TENM3: variants seen among roughly 807,000 people sequenced by gnomAD.
TENM3 encodes the protein teneurin transmembrane protein 3.
TENM3 carries 63 observed loss-of-function variants against 255.1 expected under a neutral mutation model. The observed-to-expected ratio is 0.25, with a 90% CI of 0.20 to 0.30. The LOEUF (loss-of-function observed/expected upper bound fraction) is 0.30, where lower values mean the gene tolerates loss of function less well. Ranked by LOEUF, TENM3 falls within the 10% of genes least tolerant of loss-of-function variation. TENM3 has a pLI of 1.00. For synonymous variants in TENM3, 1,306 were observed against 1,322.3 expected (o/e 0.99, Z 0.27); for missense variants, 2,929 against 3,461.1 (o/e 0.85, Z 3.86).
the TENM3 span, among the ~76,000 whole-genome samples, chr4:181,505,538 C>T: frequency 6.6e-6 from 1 of 152,088 alleles, no homozygotes. Context: ...TGATACACCG[C>T]AGCATTATTT....
chr4:181,623,769 A>T, the TENM3 span, among the ~76,000 whole-genome samples: 1 of 152,248 alleles, frequency 6.6e-6, no homozygotes, highest in Non-Finnish European at 1.5e-5. Flanking sequence ...TTCATGTACA[A>T]GCAGTGTTTT....
the TENM3 span, among the ~76,000 whole-genome samples, chr4:182,070,557 CA>C: frequency 1.8e-4 from 28 of 152,132 alleles, no homozygotes; most frequent in Non-Finnish European, 3.5e-4. Flanking sequence ...GTGGAGGATG[CA>C]GTGAGCTGAA....
At position 182,664,103 on chromosome 4, in the gene TENM3, G is replaced by A. The variant is rs919982187; in HGVS notation, c.1112-8902G>A. 7.9e-5 allele frequency among the ~76,000 whole-genome samples: 12 copies of A among 152,128 alleles called. No individual in the cohort carries two copies. The South Asian group carries it at 1.7e-3, about 21-fold the overall frequency. On this transcript the variant is annotated intron_variant, in intron 6 of 27. Transcript: ENST00000511685. ...TTACAGGAAGATCTTATTTTATTACGCTTTATCATGCCTCCCAGATACCGT... is the reference window on the plus strand; with the variant it reads ...TTACAGGAAGATCTTATTTTATTACACTTTATCATGCCTCCCAGATACCGT...
chr4:182,469,620 A>G (rs1732924397), intron 3 of TENM3, among the ~76,000 whole-genome samples: 1 of 152,068 alleles, frequency 6.6e-6, no homozygotes. Context: ...AGGCTGAGGC[A>G]AGAGAATTGC....
At chr4:182,218,672 C>T (rs1211857372) in intron 1 of TENM3, among the ~76,000 whole-genome samples, 1 of 152,124 alleles carries the variant, frequency 6.6e-6, no homozygotes, top group Non-Finnish European at 1.5e-5. Flanking sequence ...CCATTATTGG[C>T]AATTTCATAT....
At chr4:181,547,338 TAAAG>T in the TENM3 span, among the ~76,000 whole-genome samples, 80 of 151,702 alleles carry the variant, frequency 5.3e-4, no homozygotes, top group Non-Finnish European at 1.0e-3. Flanking sequence ...TCACAGAAAA[TAAAG>T]AAGATGATCA....
At chr4:182,443,858 G>C (rs1465613673) in intron 3 of TENM3, among the ~76,000 whole-genome samples, 1 of 152,134 alleles carries the variant, frequency 6.6e-6, no homozygotes, top group Non-Finnish European at 1.5e-5. Flanking sequence ...GGACATGATT[G>C]GATATCTAAA....
intron 22 of TENM3, among the ~76,000 whole-genome samples, chr4:182,766,197 G>C (rs1319402426): frequency 6.6e-6 from 1 of 152,056 alleles, no homozygotes; most frequent in African/African-American, 2.4e-5. Context: ...AGCACTTCCA[G>C]ACCCATGGAA....
chr4:182,455,744 T>C (rs896783998), intron 3 of TENM3, among the ~76,000 whole-genome samples: 1 of 151,886 alleles, frequency 6.6e-6, no homozygotes, highest in Non-Finnish European at 1.5e-5. Context: ...TGTATTTTAG[T>C]AGAGACAGGG....
chr4:181,538,756 TTTC>T, the TENM3 span, among the ~76,000 whole-genome samples: 20 of 152,214 alleles, frequency 1.3e-4, no homozygotes, highest in African/African-American at 4.1e-4. Context: ...AAGTGTTCGT[TTTC>T]TTCTTCCTTT....
At chr4:182,601,297 G>C in intron 4 of TENM3, 136 bp downstream of exon 4, 1 of 708,280 alleles carries the variant, frequency 1.4e-6, no homozygotes, top group African/African-American at 1.8e-5. Flanking sequence ...CTAAGAAGCA[G>C]TTCCAGATTG....
Position 182,653,810 on chromosome 4 carries a change from C to T in TENM3, c.1028C>T (p.Thr343Ile). ...LFGLNWQLQQ[T>I]ENDTFENGKV... ...GGCCTCAACTGGCAGCTACAGCAGA[C>T]TGAAAATGACACATTTGAGAATGGA... Residue 343 changes from threonine (T) to isoleucine (I), a missense_variant, in exon 6 of 28, where the codon ACT becomes ATT. Thr to Ile is a moderately conservative substitution (Grantham distance 89). This residue lies in a region of TENM3 where 1,608 missense variants were observed against 1,884.4 expected (regional missense o/e 0.85). Transcript: ENST00000511685. The T allele has an allele frequency of 1.2e-6, 2 of 1,612,750 alleles. No homozygotes were observed. The highest frequency in any genetic ancestry group is 1.7e-6 in the Non-Finnish European group (2 of 1,179,308).
At chr4:181,851,635 C>G in the TENM3 span, among the ~76,000 whole-genome samples, 1 of 152,096 alleles carries the variant, frequency 6.6e-6, no homozygotes, top group Non-Finnish European at 1.5e-5. Flanking sequence ...CGCATGCACA[C>G]ATGCACACAC....
the TENM3 span, among the ~76,000 whole-genome samples, chr4:182,010,777 A>G: frequency 6.6e-6 from 1 of 152,224 alleles, no homozygotes. Context: ...TAAAACCTTA[A>G]AAGTTTCCTT....
In TENM3 at chr4:182,147,676, C is replaced by T. The variant is rs140602067; in HGVS notation, c.-76+2922C>T. ...TATCCGTTTGGACTTCGAGGGCATA[C>T]TTTTTTTTACTTAGGTTGAGAATAT... On this transcript the variant is annotated intron_variant, in intron 1 of 2. Transcript: ENST00000512480. Among the ~76,000 whole-genome samples, 696 of 152,102 alleles carry T rather than the reference C, an allele frequency of 4.6e-3. 3 individuals carry two copies. The highest frequency in any genetic ancestry group is 0.015 in the African/African-American group (618 of 41,506).
intron 3 of TENM3, among the ~76,000 whole-genome samples, chr4:182,434,523 C>T (rs1026665172): frequency 2.0e-5 from 3 of 151,546 alleles, no homozygotes; most frequent in Non-Finnish European, 2.9e-5. Flanking sequence ...ATTAGCCGAG[C>T]GTGATGGTGG....
chr4:182,583,153 AC>A (rs551967695), intron 3 of TENM3, among the ~76,000 whole-genome samples: 40 of 152,368 alleles, frequency 2.6e-4, no homozygotes, highest in Admixed American at 2.5e-3. Flanking sequence ...GCTTTATCTT[AC>A]ATCAGCTGTG....
At chr4:181,854,888 G>A in the TENM3 span, among the ~76,000 whole-genome samples, 4 of 152,194 alleles carry the variant, frequency 2.6e-5, no homozygotes, top group Non-Finnish European at 5.9e-5. Context: ...AGACTACAGA[G>A]TACGCGTTAG....
At position 182,751,653 on chromosome 4, in the gene TENM3, A is replaced by C. The variant is rs993841880; in HGVS notation, c.3630-147A>C. 2.0e-5 allele frequency: 12 copies of C among 608,076 alleles called. No homozygotes were observed. The African/African-American group carries it at 2.2e-4, about 11-fold the overall frequency. 37.7% of individuals were successfully genotyped at this position (608,076 alleles called of 1,614,324 possible). A position where few individuals can be genotyped will look rare whatever the true frequency, so the allele number is the denominator to read the frequency against. ...GAGCACATTCTTTTGAGTCATTATT[A>C]AATAGACAGTACTATTCATGTCTAA... On this transcript the variant is annotated intron_variant, in intron 19 of 27. Transcript: ENST00000511685.
Sources: gnomAD v4.1 joint callset for allele counts (sites outside exome capture counted in the v4.1 genomes callset) on GRCh38, gnomAD v4.1.1 for gene constraint, gnomAD v4.1.1 regional missense constraint, MANE v1.5 for transcripts, NCBI Gene and HGNC (gene_info 2026-07-23, HGNC 2026-07-21) for gene names.